Variants in SIL1 observed in about 807,000 individuals in gnomAD.
The protein encoded by SIL1 is SIL1 nucleotide exchange factor.
In SIL1, 40 loss-of-function variants were observed where a neutral mutation model predicts 49.1. That is an observed-to-expected ratio of 0.81 (90% CI 0.63 to 1.06). The LOEUF (loss-of-function observed/expected upper bound fraction) is 1.06. SIL1 is among the 50% of genes least tolerant of loss of function. The pLI is 0.00. For synonymous variants in SIL1, 253 were observed against 250.8 expected, an observed-to-expected ratio of 1.01 and a Z score of -0.08; for missense variants, 500 against 572.6, an observed-to-expected ratio of 0.87 and a Z score of 1.29.
intron 7 of SIL1, among the ~76,000 whole-genome samples, chr5:139,011,531 G>A (rs189669570): frequency 1.1e-4 from 17 of 152,162 alleles, no homozygotes; most frequent in South Asian, 2.1e-4. Flanking sequence ...ACAGGTTCTC[G>A]CTTTGTTGCC....
intron 7 of SIL1, among the ~76,000 whole-genome samples, chr5:138,993,336 C>T (rs986647191): frequency 1.3e-5 from 2 of 152,186 alleles, no homozygotes; most frequent in African/African-American, 2.4e-5. Flanking sequence ...AGTCTACCCA[C>T]AATACAGTTG....
intron 3 of SIL1, among the ~76,000 whole-genome samples, chr5:139,113,106 G>C (rs945850822): frequency 1.3e-5 from 2 of 151,786 alleles, no homozygotes; most frequent in South Asian, 2.1e-4. Flanking sequence ...CAGCATGCTC[G>C]TTAAGAGTCA....
At chr5:138,960,834 C>T (rs1767005888) in intron 7 of SIL1, among the ~76,000 whole-genome samples, 1 of 152,166 alleles carries the variant, frequency 6.6e-6, no homozygotes. Context: ...TTTCCTGAAA[C>T]GCAGACTTCC....
chr5:138,971,183 C>T (rs1229859217), intron 7 of SIL1, among the ~76,000 whole-genome samples: 2 of 152,108 alleles, frequency 1.3e-5, no homozygotes, highest in Non-Finnish European at 1.5e-5. Flanking sequence ...CCAAAAACAA[C>T]ATAAATCAAG....
chr5:139,076,432 A>G (rs1260995328), intron 3 of SIL1, among the ~76,000 whole-genome samples: 3 of 152,234 alleles, frequency 2.0e-5, no homozygotes, highest in Admixed American at 2.0e-4. Context: ...ATATGTTACC[A>G]TTTCACTTTA....
chr5:139,010,017 T>G (rs999405080), intron 7 of SIL1, among the ~76,000 whole-genome samples: 1 of 151,984 alleles, frequency 6.6e-6, no homozygotes, highest in Non-Finnish European at 1.5e-5. Context: ...CCTGCCTTGC[T>G]AGATTGGGGA....
At chr5:139,100,180 C>T (rs1036531335) in intron 3 of SIL1, among the ~76,000 whole-genome samples, 3 of 152,108 alleles carry the variant, frequency 2.0e-5, no homozygotes, top group Non-Finnish European at 4.4e-5. Flanking sequence ...GAGTTATAAT[C>T]CAATATTACC....
At chr5:139,077,944 T>C (rs1769989172) in intron 3 of SIL1, among the ~76,000 whole-genome samples, 1 of 152,098 alleles carries the variant, frequency 6.6e-6, no homozygotes, top group Admixed American at 6.6e-5. Flanking sequence ...ATTCTCTCTA[T>C]CACACTCCAG....
intron 1 of SIL1, among the ~76,000 whole-genome samples, chr5:139,137,158 G>A (rs1750990568): frequency 6.6e-6 from 1 of 152,252 alleles, no homozygotes; most frequent in African/African-American, 2.4e-5. Flanking sequence ...GGGCATCCCA[G>A]AGGAAAATTA....
chr5:138,953,631 C>G (rs1766835090), intron 7 of SIL1, among the ~76,000 whole-genome samples: 2 of 152,214 alleles, frequency 1.3e-5, no homozygotes, highest in Admixed American at 6.5e-5. Context: ...CAGCTCCTCT[C>G]CAGATAGGCA....
rs1034035614 is a variant in SIL1 at position 138,948,050 on chromosome 5, G to A, written c.1030-577C>T. ...GTTACCTGAAGGTCAGAGGTAGAGGGTTGGGAGGGGGCAGAGATCTCCCGT... is the reference window on the plus strand; with the variant it reads ...GTTACCTGAAGGTCAGAGGTAGAGGATTGGGAGGGGGCAGAGATCTCCCGT... On this transcript the variant is annotated intron_variant, in intron 9 of 9. Transcript: ENST00000394817. The surrounding 1 kb of genome is among the most constrained non-coding windows in gnomAD (Gnocchi z 4.8). 1.3e-5 allele frequency among the ~76,000 whole-genome samples: 2 copies of A among 152,228 alleles called. No individual in the cohort carries two copies. Among genetic ancestry groups the A allele is most frequent in the East Asian group, 1.9e-4 (1 of 5,188 alleles).
At chr5:139,149,004 G>C (rs1331507744) in intron 1 of SIL1, among the ~76,000 whole-genome samples, 1 of 152,110 alleles carries the variant, frequency 6.6e-6, no homozygotes, top group Non-Finnish European at 1.5e-5. Context: ...AAGAAGCTTG[G>C]TTAATATCAC....
intron 7 of SIL1, among the ~76,000 whole-genome samples, chr5:138,970,312 C>T (rs1023315830): frequency 2.0e-5 from 3 of 152,172 alleles, no homozygotes; most frequent in Non-Finnish European, 2.9e-5. Flanking sequence ...GGCAAGCACC[C>T]AATGTGTGCA....
Position 139,076,629 on chromosome 5 carries a change from A to G in SIL1, c.245-25583T>C, listed in dbSNP as rs141950375. Among the ~76,000 whole-genome samples, 158 of 152,326 alleles carry G rather than the reference A, an allele frequency of 1.0e-3. 2 individuals are homozygous for G. In the East Asian group the frequency reaches 0.028, roughly 27 times the overall value. On this transcript the variant is annotated intron_variant, in intron 3 of 9. Transcript: ENST00000394817. ...CCAATTTGGAGGAGTAAATCTGATT[A>G]TTCCTAGGGCCTGTAACAAGTGAGT...
rs1768362841 is a variant in SIL1 at position 139,014,756 on chromosome 5, C to A, written c.767+6415G>T. On this transcript the variant is annotated intron_variant, in intron 7 of 9. Transcript: ENST00000394817. ...AGCTATGACTATCCAATTTCCTAGGCCAATCTCGGTTAATATGCTAATCAG... is the reference window on the plus strand; with the variant it reads ...AGCTATGACTATCCAATTTCCTAGGACAATCTCGGTTAATATGCTAATCAG... 2.6e-5 allele frequency among the ~76,000 whole-genome samples: 4 copies of A among 152,166 alleles called. No homozygotes were observed. The South Asian group carries it at 6.2e-4, about 24-fold the overall frequency.
intron 7 of SIL1, among the ~76,000 whole-genome samples, chr5:138,954,173 C>T (rs1348633328): frequency 6.6e-6 from 1 of 152,244 alleles, no homozygotes; most frequent in Admixed American, 6.5e-5. Context: ...TCTTCCCACC[C>T]CATTTAGAGT....
At chr5:139,065,412 C>A (rs1173059517) in intron 3 of SIL1, among the ~76,000 whole-genome samples, 1 of 152,178 alleles carries the variant, frequency 6.6e-6, no homozygotes, top group Admixed American at 6.5e-5. Context: ...TGCCAGCTGG[C>A]AACAAGGAAG....
intron 5 of SIL1, among the ~76,000 whole-genome samples, chr5:139,030,809 G>A (rs1034259714): frequency 2.0e-5 from 3 of 151,994 alleles, no homozygotes; most frequent in Admixed American, 2.0e-4. Flanking sequence ...AATTCTAAAT[G>A]TTTCTAATGT....
intron 3 of SIL1, among the ~76,000 whole-genome samples, chr5:139,095,769 G>A (rs533914913): frequency 6.6e-6 from 1 of 152,198 alleles, no homozygotes; most frequent in East Asian, 1.9e-4. Context: ...TCAAGGCTGC[G>A]GTGAGTCGTG....
Sources: allele counts gnomAD v4.1 joint callset (sites outside exome capture counted in the v4.1 genomes callset), GRCh38; gene constraint gnomAD v4.1.1; non-coding constraint Gnocchi (gnomAD v3.1); transcripts MANE v1.5; gene names NCBI Gene and HGNC (gene_info 2026-07-23, HGNC 2026-07-21).